KCNH7: variants seen among roughly 807,000 people sequenced by gnomAD.
KCNH7 encodes the protein potassium voltage-gated channel subfamily H member 7, also known as voltage-gated inwardly rectifying potassium channel KCNH7.
Under a neutral mutation model 120.8 loss-of-function variants are expected in KCNH7, and 49 were observed. The ratio of observed to expected loss-of-function variants is 0.41; its 90% CI spans 0.32 to 0.51. The LOEUF (loss-of-function observed/expected upper bound fraction) is 0.51, where lower values mean the gene tolerates loss of function less well. KCNH7 is among the 20% of genes least tolerant of loss of function. The pLI, the probability that KCNH7 is intolerant of heterozygous loss-of-function variation, is 0.38. For missense variants in KCNH7, 1,097 were observed against 1,446.6 expected (o/e 0.76, Z 3.92); for synonymous variants, 547 against 516.1 (o/e 1.06, Z -0.81).
intron 2 of KCNH7, among the ~76,000 whole-genome samples, chr2:162,831,964 A>G (rs563395036): frequency 6.6e-6 from 1 of 152,274 alleles, no homozygotes; most frequent in Admixed American, 6.5e-5. Flanking sequence ...ATAGTTTTCA[A>G]ATTGTGGGGA....
At chr2:162,490,963 C>T (rs958560716) in intron 6 of KCNH7, among the ~76,000 whole-genome samples, 2 of 152,236 alleles carry the variant, frequency 1.3e-5, no homozygotes, top group Admixed American at 6.5e-5. Flanking sequence ...GCACTCCCTG[C>T]TCCAACCTCC....
At chr2:162,579,898 C>T (rs778577823) in intron 2 of KCNH7, among the ~76,000 whole-genome samples, 2 of 151,894 alleles carry the variant, frequency 1.3e-5, no homozygotes, top group Non-Finnish European at 2.9e-5. Flanking sequence ...TTCGGAAATA[C>T]TCTGCTAATT....
chr2:162,520,592 T>G (rs899284663), intron 3 of KCNH7, among the ~76,000 whole-genome samples: 2 of 151,362 alleles, frequency 1.3e-5, no homozygotes, highest in African/African-American at 4.8e-5. Context: ...AGAACCCCCA[T>G]CTCTATAAAA....
At chr2:162,578,519 T>C (rs1260210693) in intron 2 of KCNH7, among the ~76,000 whole-genome samples, 1 of 151,884 alleles carries the variant, frequency 6.6e-6, no homozygotes, top group Non-Finnish European at 1.5e-5. Flanking sequence ...TGAAGGTCAG[T>C]TCAGTGCTCA....
chr2:162,739,374 A>T (rs908049436), intron 2 of KCNH7, among the ~76,000 whole-genome samples: 1 of 152,022 alleles, frequency 6.6e-6, no homozygotes, highest in South Asian at 2.1e-4. Context: ...GTCGCCATGG[A>T]TTCTTAGATA....
intron 2 of KCNH7, among the ~76,000 whole-genome samples, chr2:162,675,043 T>G (rs1325763938): frequency 6.6e-6 from 1 of 151,572 alleles, no homozygotes. Context: ...AAGGTATTTA[T>G]AGCAAATAAC....
intron 6 of KCNH7, among the ~76,000 whole-genome samples, chr2:162,487,862 T>G (rs1171124191): frequency 6.6e-6 from 1 of 152,218 alleles, no homozygotes. Context: ...CAATGAAGCT[T>G]ACAAGGCCTT....
At chr2:162,754,660 G>C (rs1237075601) in intron 2 of KCNH7, among the ~76,000 whole-genome samples, 1 of 152,102 alleles carries the variant, frequency 6.6e-6, no homozygotes, top group Non-Finnish European at 1.5e-5. Flanking sequence ...AACTTACATT[G>C]ACTTTTAAGA....
At chr2:162,731,830 A>G (rs1487763310) in intron 2 of KCNH7, among the ~76,000 whole-genome samples, 2 of 152,210 alleles carry the variant, frequency 1.3e-5, no homozygotes, top group Non-Finnish European at 2.9e-5. Flanking sequence ...TAAATTTAGT[A>G]AAGCTGGATG....
intron 2 of KCNH7, among the ~76,000 whole-genome samples, chr2:162,545,155 A>G (rs1002544141): frequency 3.9e-5 from 6 of 152,142 alleles, no homozygotes; most frequent in African/African-American, 1.4e-4. Flanking sequence ...GTTAACAGAT[A>G]TTACTGGAAA....
chr2:162,587,930 G>A (rs1225884763), intron 2 of KCNH7, among the ~76,000 whole-genome samples: 4 of 152,038 alleles, frequency 2.6e-5, no homozygotes, highest in Non-Finnish European at 5.9e-5. Context: ...ATACCTACAA[G>A]TTCTACTGCT....
intron 2 of KCNH7, among the ~76,000 whole-genome samples, chr2:162,537,621 C>T (rs1313925952): frequency 6.6e-6 from 1 of 151,968 alleles, no homozygotes; most frequent in Non-Finnish European, 1.5e-5. Flanking sequence ...TCACAACGTC[C>T]AAATTACAAT....
At chr2:162,404,554 T>C (rs974682911) in intron 9 of KCNH7, among the ~76,000 whole-genome samples, 2 of 151,872 alleles carry the variant, frequency 1.3e-5, no homozygotes, top group African/African-American at 2.4e-5. Flanking sequence ...TCATGAAATC[T>C]GGTTGTTTAA....
chr2:162,754,583 T>G (rs1300117433), intron 2 of KCNH7, among the ~76,000 whole-genome samples: 2 of 151,924 alleles, frequency 1.3e-5, no homozygotes, highest in African/African-American at 4.8e-5. Context: ...CATTTATAAA[T>G]TACAGGAAAA....
intron 2 of KCNH7, among the ~76,000 whole-genome samples, chr2:162,619,508 T>G (rs1181745119): frequency 6.6e-6 from 1 of 151,524 alleles, no homozygotes; most frequent in Non-Finnish European, 1.5e-5. Context: ...TCTCTCTCCC[T>G]CTAGAAAATC....
chr2:162,685,235 A>G (rs1214915732), intron 2 of KCNH7, among the ~76,000 whole-genome samples: 1 of 152,060 alleles, frequency 6.6e-6, no homozygotes, highest in Non-Finnish European at 1.5e-5. Context: ...TAGGAGAAAT[A>G]CCTAACATAG....
intron 6 of KCNH7, among the ~76,000 whole-genome samples, chr2:162,480,441 G>A (rs1336702209): frequency 1.3e-5 from 2 of 152,164 alleles, no homozygotes; most frequent in African/African-American, 2.4e-5. Flanking sequence ...GTAAACCAGA[G>A]AGCCTGAATC....
chr2:162,736,515 T>C (rs1410089378), intron 2 of KCNH7, among the ~76,000 whole-genome samples: 4 of 152,032 alleles, frequency 2.6e-5, no homozygotes, highest in Admixed American at 6.5e-5. Flanking sequence ...AAGTGAGAGA[T>C]TATAGATTGA....
chr2:162,612,786 T>C (rs1256941077), intron 2 of KCNH7, among the ~76,000 whole-genome samples: 2 of 151,850 alleles, frequency 1.3e-5, no homozygotes, highest in African/African-American at 4.8e-5. Context: ...AAAAGAACAA[T>C]TTTTTTGAAG....
Sources: gnomAD v4.1 joint callset for allele counts (sites outside exome capture counted in the v4.1 genomes callset) on GRCh38, gnomAD v4.1.1 for gene constraint, MANE v1.5 for transcripts, NCBI Gene and HGNC (gene_info 2026-07-23, HGNC 2026-07-21) for gene names.